The following MAP3K5 variants were observed in gnomAD, a reference collection of about 807,000 sequenced individuals.
MAP3K5 encodes the protein ASK-1.
Under a neutral mutation model 158.7 loss-of-function variants are expected in MAP3K5, and 56 were observed. The ratio of observed to expected loss-of-function variants is 0.35; its 90% CI spans 0.28 to 0.44. The LOEUF is 0.44. MAP3K5 is among the 20% of genes least tolerant of loss of function. The pLI, the probability that MAP3K5 is intolerant of heterozygous loss-of-function variation, is 1.00. For missense variants in MAP3K5, 1,294 were observed against 1,674.8 expected (o/e 0.77, Z 3.97); for synonymous variants, 579 against 601.7 (o/e 0.96, Z 0.55).
intron 15 of MAP3K5, among the ~76,000 whole-genome samples, chr6:136,617,843 G>C (rs1413817427): frequency 6.6e-6 from 1 of 152,132 alleles, no homozygotes; most frequent in Non-Finnish European, 1.5e-5. Context: ...TGAGGCAGGA[G>C]AATCACTTGA....
At chr6:136,599,032 G>T (rs1036139194) in intron 21 of MAP3K5, among the ~76,000 whole-genome samples, 2 of 152,046 alleles carry the variant, frequency 1.3e-5, no homozygotes, top group African/African-American at 4.8e-5. Context: ...TTAGCTGGGC[G>T]TGGTAGTGGG....
chr6:136,713,092 T>C (rs963142507), intron 2 of MAP3K5, among the ~76,000 whole-genome samples: 2 of 152,336 alleles, frequency 1.3e-5, no homozygotes, highest in Middle Eastern at 6.8e-3. Flanking sequence ...TGGGTTACAA[T>C]GCCAAAAAGA....
At chr6:136,577,532 T>C (rs369971834) in intron 25 of MAP3K5, among the ~76,000 whole-genome samples, 11 of 152,340 alleles carry the variant, frequency 7.2e-5, no homozygotes, top group South Asian at 4.1e-4. Flanking sequence ...TAGCAAACAC[T>C]TTTAATAAAA....
intron 2 of MAP3K5, among the ~76,000 whole-genome samples, chr6:136,715,099 G>A (rs926847815): frequency 2.0e-5 from 3 of 152,102 alleles, no homozygotes; most frequent in Admixed American, 6.6e-5. Flanking sequence ...TAATCATTAC[G>A]TTTCAACACA....
chr6:136,698,553 G>T lies in MAP3K5; in HGVS notation c.742C>A (p.Pro248Thr). The change falls in exon 4 of 30, where the codon CCC becomes ACC. Residue 248 changes from proline to threonine, a missense_variant. Coordinates refer to ENST00000359015, the MANE Select transcript of MAP3K5 (RefSeq NM_005923.4). ...CGATCCACAAGAGGTAAGCAGATGG[G>T]TCCAAGAAGCAGCTCGAAGTTCGGT... ...MQPNFELLLG[P>T]ICLPLVDRFI... 6.2e-7 allele frequency: 1 copy of T among 1,614,072 alleles called. No individual in the cohort carries two copies.
chr6:136,694,507 G>T (rs1780519171), intron 6 of MAP3K5, among the ~76,000 whole-genome samples, 197 bp from the exon 7 acceptor site: 1 of 152,090 alleles, frequency 6.6e-6, no homozygotes, highest in Non-Finnish European at 1.5e-5. Context: ...TGTCTACTAG[G>T]TCTAACAAGG....
chr6:136,574,757 C>T (rs1005110735), intron 25 of MAP3K5, among the ~76,000 whole-genome samples: 2 of 138,824 alleles, frequency 1.4e-5, no homozygotes, highest in Non-Finnish European at 3.0e-5. Context: ...GGCACGATCT[C>T]GGCTCACTGC....
intron 14 of MAP3K5, among the ~76,000 whole-genome samples, chr6:136,625,008 TA>T (rs1375751287): frequency 3.3e-5 from 5 of 151,510 alleles, no homozygotes; most frequent in African/African-American, 4.9e-5. Flanking sequence ...TACTAAAGAG[TA>T]AAGGTGACTG....
At chr6:136,751,435 G>A (rs1196099495) in intron 1 of MAP3K5, among the ~76,000 whole-genome samples, 1 of 152,176 alleles carries the variant, frequency 6.6e-6, no homozygotes, top group Non-Finnish European at 1.5e-5. Flanking sequence ...GTCAAATCTA[G>A]TAATGATCTT....
chr6:136,719,048 C>T (rs752565056), intron 2 of MAP3K5, among the ~76,000 whole-genome samples: 2 of 152,048 alleles, frequency 1.3e-5, no homozygotes, highest in Non-Finnish European at 2.9e-5. Flanking sequence ...AGGTAGCATG[C>T]ATCTGTAGTC....
At chr6:136,622,634 C>T (rs1776857800) in intron 15 of MAP3K5, among the ~76,000 whole-genome samples, 1 of 152,192 alleles carries the variant, frequency 6.6e-6, no homozygotes, top group South Asian at 2.1e-4. Context: ...CACACAGGGC[C>T]ATTCTCTTTT....
chr6:136,685,558 G>C (rs1030472790), intron 7 of MAP3K5, among the ~76,000 whole-genome samples: 2 of 152,082 alleles, frequency 1.3e-5, no homozygotes, highest in Non-Finnish European at 2.9e-5. Flanking sequence ...GAAAGAGTTC[G>C]ATGAGCCATT....
At chr6:136,686,295 G>A (rs1780143330) in intron 7 of MAP3K5, among the ~76,000 whole-genome samples, 1 of 152,116 alleles carries the variant, frequency 6.6e-6, no homozygotes, top group Admixed American at 6.6e-5. Flanking sequence ...AGGTATTTAT[G>A]ACAAACCTAC....
At chr6:136,697,175 C>T (rs775645010) in intron 5 of MAP3K5, 44 bp downstream of exon 5, 1 of 1,562,028 alleles carries the variant, frequency 6.4e-7, no homozygotes, top group Non-Finnish European at 8.7e-7. Flanking sequence ...CTTATCCCTC[C>T]AACATGCTAC....
chr6:136,690,621 T>C (rs1780344375), intron 7 of MAP3K5, among the ~76,000 whole-genome samples: 1 of 152,206 alleles, frequency 6.6e-6, no homozygotes, highest in South Asian at 2.1e-4. Context: ...TGTGATTCCA[T>C]TTTTGTGAAT....
chr6:136,707,980 C>T (rs1246412573), intron 2 of MAP3K5, among the ~76,000 whole-genome samples: 9 of 152,074 alleles, frequency 5.9e-5, no homozygotes, highest in Admixed American at 1.3e-4. Context: ...TCCTATGCTG[C>T]TATTTATGTA....
intron 7 of MAP3K5, among the ~76,000 whole-genome samples, chr6:136,674,330 T>A (rs937301000): frequency 1.3e-5 from 2 of 152,028 alleles, no homozygotes; most frequent in African/African-American, 4.8e-5. Context: ...TAAAATCTAT[T>A]GATTATTTAA....
chr6:136,632,688 G>A (rs1412441824), intron 14 of MAP3K5, among the ~76,000 whole-genome samples: 1 of 152,144 alleles, frequency 6.6e-6, no homozygotes, highest in African/African-American at 2.4e-5. Context: ...TGAAGGGGCT[G>A]CAGGAAAGAA....
At chr6:136,625,315 C>T (rs973975065) in intron 14 of MAP3K5, among the ~76,000 whole-genome samples, 1 of 152,170 alleles carries the variant, frequency 6.6e-6, no homozygotes, top group African/African-American at 2.4e-5. Flanking sequence ...TAAGAGTGAG[C>T]TGGATTTGAT....
Sources: allele counts gnomAD v4.1 joint callset (sites outside exome capture counted in the v4.1 genomes callset), GRCh38; gene constraint gnomAD v4.1.1; transcripts MANE v1.5; gene names NCBI Gene and HGNC (gene_info 2026-07-23, HGNC 2026-07-21).